Variants in DSCAML1 observed in about 807,000 individuals in gnomAD.
The protein encoded by DSCAML1 is DS cell adhesion molecule like 1.
Under a neutral mutation model 200.5 loss-of-function variants are expected in DSCAML1, and 38 were observed. The ratio of observed to expected loss-of-function variants is 0.19; its 90% confidence interval spans 0.15 to 0.25. The LOEUF (loss-of-function observed/expected upper bound fraction) is 0.25, where lower values mean the gene tolerates loss of function less well. DSCAML1 is among the 10% of genes least tolerant of loss of function. The pLI, the probability that DSCAML1 is intolerant of heterozygous loss-of-function variation, is 1.00. For missense variants in DSCAML1, 2,223 were observed against 2,858.8 expected (o/e 0.78, Z 5.07); for synonymous variants, 1,215 against 1,165.0 (o/e 1.04, Z -0.87).
In DSCAML1 at chr11:117,477,359, T is replaced by A. The variant is rs1305381089; in HGVS notation, c.2785+3084A>T. ...TGTAATGGTTCTGAAAGTGTGTGTGTGTGTGTGTGTGTGTGTGTGTGTGTG... is the reference window on the plus strand; with the variant it reads ...TGTAATGGTTCTGAAAGTGTGTGTGAGTGTGTGTGTGTGTGTGTGTGTGTG... On this transcript the variant is annotated intron_variant, in intron 14 of 32. Coordinates refer to ENST00000651296, the MANE Select transcript of DSCAML1 (RefSeq NM_020693.4). Among the ~76,000 whole-genome samples the A allele has an allele frequency of 5.8e-4, 56 of 96,952 alleles. 1 individual carries two copies. The highest frequency in any genetic ancestry group is 2.0e-3 in the African/African-American group (52 of 25,818). 63.6% of individuals were successfully genotyped at this position (96,952 alleles called of 152,430 possible). A position where few individuals can be genotyped will look rare whatever the true frequency, so the allele number is the denominator to read the frequency against.
chr11:117,472,921 C>T (rs1006458059), intron 14 of DSCAML1, among the ~76,000 whole-genome samples: 3 of 152,072 alleles, frequency 2.0e-5, no homozygotes, highest in Admixed American at 6.6e-5. Context: ...CTTCCACACC[C>T]GGGATTCTTA....
chr11:117,675,470 ATTT>A (rs533948278), intron 3 of DSCAML1, among the ~76,000 whole-genome samples: 1,756 of 96,856 alleles, frequency 0.018, 16 homozygotes, highest in East Asian at 0.088. Context: ...GCTGATTGAA[ATTT>A]TTTTTTTTTT....
At chr11:117,650,689 G>GTGTGTGTGTGTGTGTGTGTGTT (rs2052612918) in intron 3 of DSCAML1, among the ~76,000 whole-genome samples, 1 of 140,550 alleles carries the variant, frequency 7.1e-6, no homozygotes, top group Non-Finnish European at 1.6e-5. Context: ...GTGTGTGTGT[G>GTGTGTGTGTGTGTGTGTGTGTT]TGTGTGTGTG....
At chr11:117,571,557 A>G (rs997028816) in intron 3 of DSCAML1, among the ~76,000 whole-genome samples, 1 of 152,132 alleles carries the variant, frequency 6.6e-6, no homozygotes, top group African/African-American at 2.4e-5. Context: ...CCTGCCCTGG[A>G]GCCCAGGTGA....
intron 3 of DSCAML1, among the ~76,000 whole-genome samples, chr11:117,561,313 T>A (rs985569785): frequency 6.6e-6 from 1 of 152,156 alleles, no homozygotes; most frequent in African/African-American, 2.4e-5. Flanking sequence ...AGTTCCACAG[T>A]GACACCGCAC....
intron 3 of DSCAML1, among the ~76,000 whole-genome samples, chr11:117,618,703 A>G (rs1473305662): frequency 2.6e-5 from 4 of 152,108 alleles, no homozygotes; most frequent in African/African-American, 4.8e-5. Flanking sequence ...GCAGGAAAAT[A>G]GATGCTTCTA....
chr11:117,683,052 T>G (rs1019148277), intron 3 of DSCAML1, among the ~76,000 whole-genome samples: 3 of 152,238 alleles, frequency 2.0e-5, no homozygotes, highest in African/African-American at 7.2e-5. Context: ...ATCCATTCAT[T>G]CATTCATTCA....
rs775352768 is a variant in DSCAML1, at chr11:117,458,845, C to T, written c.3477G>A (p.Lys1159=). The part of the protein sequence containing the change: ...RERVELRGME[K]FTNYSVQVLA... ...GCACCTGGACGCTGTAGTTGGTGAA[C>T]TTCTCCATGCCCCGCAGCTCCACCC... The change falls in exon 19 of 33, where the codon AAG becomes AAA. Residue 1159 remains lysine, a synonymous_variant. Coordinates refer to ENST00000651296, the MANE Select transcript of DSCAML1 (RefSeq NM_020693.4). The T allele has an allele frequency of 1.9e-6, 3 of 1,614,098 alleles. No homozygotes were observed. Among genetic ancestry groups the T allele is most frequent in the Non-Finnish European group, 8.5e-7 (1 of 1,180,008 alleles).
rs1464116411 is a variant in DSCAML1 at position 117,480,357 on chromosome 11, G to A, written c.2785+86C>T. 1.7e-5 allele frequency: 27 copies of A among 1,564,586 alleles called. No individual in the cohort carries two copies. Among genetic ancestry groups the A allele is most frequent in the Non-Finnish European group, 2.1e-5 (24 of 1,151,860 alleles). On this transcript the variant is annotated intron_variant, in intron 14 of 32. Transcript: ENST00000651296. This position sits in a 1 kb window ranked among gnomAD's most constrained non-coding sequence, Gnocchi z 4.1. ...GGATGGGCAGCCCTAAGGCTCAGGGGCTCTCCTCCCAGAGGGCACAGGCAG... is the reference window on the plus strand; with the variant it reads ...GGATGGGCAGCCCTAAGGCTCAGGGACTCTCCTCCCAGAGGGCACAGGCAG...
chr11:117,557,412 C>T (rs1291271815), intron 3 of DSCAML1, among the ~76,000 whole-genome samples: 6 of 152,072 alleles, frequency 3.9e-5, no homozygotes, highest in Non-Finnish European at 7.4e-5. Context: ...TTTCCCCAGC[C>T]CCCCTCCTGA....
chr11:117,772,042 A>G (rs1487628839), intron 3 of DSCAML1, among the ~76,000 whole-genome samples: 2 of 152,176 alleles, frequency 1.3e-5, no homozygotes, highest in African/African-American at 2.4e-5. Context: ...AAACCAGGGT[A>G]GTACTGTCTG....
chr11:117,702,107 G>A (rs188826428), intron 3 of DSCAML1, among the ~76,000 whole-genome samples: 46 of 152,238 alleles, frequency 3.0e-4, no homozygotes, highest in Admixed American at 2.2e-3. Context: ...TCTTCCCTGC[G>A]TGGCTCCCCA....
At chr11:117,601,219 T>C (rs2051460327) in intron 3 of DSCAML1, among the ~76,000 whole-genome samples, 1 of 123,020 alleles carries the variant, frequency 8.1e-6, no homozygotes, top group Non-Finnish European at 1.6e-5. Context: ...CTACCACGCC[T>C]GTGTTGAGCT....
chr11:117,436,208 C>T (rs1041141291), intron 26 of DSCAML1, among the ~76,000 whole-genome samples: 1 of 152,100 alleles, frequency 6.6e-6, no homozygotes, highest in South Asian at 2.1e-4. Context: ...GGTTCTCTTC[C>T]CCAGATGGAG....
rs1205546386 is a variant in DSCAML1, at chr11:117,780,794, A to G, written c.63T>C (p.Val21=). 6.8e-7 allele frequency: 1 copy of G among 1,468,364 alleles called. No homozygotes were observed. 91.0% of individuals were successfully genotyped at this position (1,468,364 alleles called of 1,614,324 possible). The part of the protein sequence containing the change: ...DSLHKARPED[V]GTSLYFVNDS... ...CATTTACAAAGTAGAGGCTGGTGCC[A>G]ACATCTTCAGGGCGGGCTGCAGGAG... The change falls in exon 2 of 33, where the codon GTT becomes GTC. Residue 21 remains valine (V), a synonymous_variant. Coordinates refer to ENST00000651296, the MANE Select transcript of DSCAML1 (RefSeq NM_020693.4). This position sits in a 1 kb window ranked among gnomAD's most constrained non-coding sequence, Gnocchi z 4.8.
chr11:117,505,496 C>T lies in DSCAML1; in HGVS notation c.2020G>A (p.Ala674Thr), dbSNP rs149074766. ...CGCTCCCGGCTCACGGTGGCGGCTG[C>T]GTTGCTGGCGATGCATGTATAGTTG... The part of the protein sequence containing the change: ...NGNYTCIASN[A>T]AATVSRERQL... The change falls in exon 9 of 33, where the codon GCA (alanine) becomes ACA (threonine). Residue 674 changes from alanine to threonine, a missense_variant. Ala to Thr is a moderately conservative substitution (Grantham distance 58). Around this residue, in one of 7 missense-constraint regions of DSCAML1, gnomAD observed 212 missense variants for 368.0 expected, o/e 0.58. Coordinates refer to ENST00000651296, the MANE Select transcript of DSCAML1 (RefSeq NM_020693.4). The surrounding 1 kb of genome is among the most constrained non-coding windows in gnomAD (Gnocchi z 6.7). 3.7e-4 allele frequency: 599 copies of T among 1,612,746 alleles called. 1 individual carries two copies. Among genetic ancestry groups the T allele is most frequent in the Middle Eastern group, 6.6e-4 (4 of 6,060 alleles).
chr11:117,544,111 C>T (rs1191427147), intron 3 of DSCAML1, among the ~76,000 whole-genome samples: 1 of 152,110 alleles, frequency 6.6e-6, no homozygotes, highest in East Asian at 1.9e-4. Context: ...AGAAAAAAAT[C>T]GTTGTCTCTC....
intron 5 of DSCAML1, among the ~76,000 whole-genome samples, chr11:117,521,744 G>T (rs550485820): frequency 2.3e-4 from 34 of 148,570 alleles, no homozygotes; most frequent in African/African-American, 8.0e-4. Context: ...TATTCTCCCC[G>T]CCACCCACCT....
intron 3 of DSCAML1, among the ~76,000 whole-genome samples, chr11:117,743,554 G>C (rs1311193580): frequency 6.6e-6 from 1 of 152,102 alleles, no homozygotes; most frequent in Non-Finnish European, 1.5e-5. Context: ...ACACCTTGGG[G>C]CCACCTCAGC....
Sources: gnomAD v4.1 joint callset for allele counts (sites outside exome capture counted in the v4.1 genomes callset) on GRCh38, gnomAD v4.1.1 for gene constraint, gnomAD v4.1.1 regional missense constraint, Gnocchi (gnomAD v3.1) non-coding constraint, MANE v1.5 for transcripts, NCBI Gene and HGNC (gene_info 2026-07-23, HGNC 2026-07-21) for gene names.